The following FERMT2 variants were observed in gnomAD, a reference collection of about 807,000 sequenced individuals.
FERMT2 encodes fermitin family homolog 2.
A neutral mutation model predicts 82.7 loss-of-function variants in FERMT2; 15 were observed. The observed-to-expected ratio is 0.18, with a 90% CI of 0.12 to 0.28. FERMT2 has a LOEUF of 0.28. Ranked by LOEUF, FERMT2 falls within the 10% of genes least tolerant of loss-of-function variation. The pLI is 1.00. For missense variants in FERMT2, 645 were observed against 809.4 expected (o/e 0.80, Z 2.46); for synonymous variants, 274 against 271.5 (o/e 1.01, Z -0.09).
At chr14:52,870,782 A>G (rs1388860658) in intron 10 of FERMT2, among the ~76,000 whole-genome samples, 2 of 152,184 alleles carry the variant, frequency 1.3e-5, no homozygotes, top group African/African-American at 4.8e-5. Context: ...CATTTCTCAT[A>G]ATGTATCCCT....
At chr14:52,926,708 G>A (rs1889295380) in intron 2 of FERMT2, among the ~76,000 whole-genome samples, 1 of 151,912 alleles carries the variant, frequency 6.6e-6, no homozygotes, top group South Asian at 2.1e-4. Flanking sequence ...AAGGCTCGGG[G>A]GTGGGGCGTG....
intron 3 of FERMT2, among the ~76,000 whole-genome samples, chr14:52,910,259 ATTC>A (rs1888242455): frequency 6.6e-6 from 1 of 152,198 alleles, no homozygotes; most frequent in Non-Finnish European, 1.5e-5. Context: ...TATCAAATAG[ATTC>A]TTCTTCATAA....
Position 52,857,477 on chromosome 14 carries a change from A to G in FERMT2, c.*900T>C, listed in dbSNP as rs1025130550. On this transcript the variant is annotated 3_prime_UTR_variant, in exon 15 of 15. Transcript: ENST00000341590. ...CAGTCCAGGCATTAGAGTTAAGGAC[A>G]TTGTGGCAAATCATGATCATAATGA... 2 of 152,750 alleles carry G rather than the reference A, an allele frequency of 1.3e-5. No individual in the cohort carries two copies. Among genetic ancestry groups the G allele is most frequent in the East Asian group, 3.9e-4 (2 of 5,188 alleles). 9.5% of individuals were successfully genotyped at this position (152,750 alleles called of 1,614,324 possible). A position where few individuals can be genotyped will look rare whatever the true frequency, so the allele number is the denominator to read the frequency against.
Position 52,924,777 on chromosome 14 carries a change from C to T in FERMT2, c.158-5421G>A, listed in dbSNP as rs1595001829. On this transcript the variant is annotated intron_variant, in intron 2 of 14. Coordinates refer to ENST00000341590, the MANE Select transcript of FERMT2 (RefSeq NM_006832.3). ...AGCTGGTAAATACACAGAATAATAG[C>T]TGGTAGATAGAAAGGAAATGGCAGA... is the stretch of plus-strand genomic sequence containing the variant. Among the ~76,000 whole-genome samples, 6 of 152,084 alleles carry T rather than the reference C, an allele frequency of 3.9e-5. No homozygotes were observed. In the East Asian group the frequency reaches 1.2e-3, roughly 29 times the overall value.
At chr14:52,897,876 T>C (rs1375409191) in intron 3 of FERMT2, among the ~76,000 whole-genome samples, 2 of 148,120 alleles carry the variant, frequency 1.4e-5, no homozygotes, top group African/African-American at 5.0e-5. Context: ...CTCGGGAGGC[T>C]GAGGCAGGGG....
chr14:52,943,320 G>A (rs1890182369), intron 2 of FERMT2, among the ~76,000 whole-genome samples: 1 of 152,154 alleles, frequency 6.6e-6, no homozygotes, highest in Non-Finnish European at 1.5e-5. Context: ...GTTCTACAGG[G>A]TGGCCATAAA....
intron 12 of FERMT2, among the ~76,000 whole-genome samples, 189 bp downstream of exon 12, chr14:52,864,212 C>T (rs765857313): frequency 1.3e-5 from 2 of 152,002 alleles, no homozygotes; most frequent in Non-Finnish European, 2.9e-5. Context: ...CATGTTGGCA[C>T]TCAAAAAGTT....
chr14:52,877,574 C>CCTT (rs1555367425), intron 7 of FERMT2, among the ~76,000 whole-genome samples: 2 of 67,062 alleles, frequency 3.0e-5, no homozygotes, highest in East Asian at 6.1e-4. Flanking sequence ...GCTGTTCTTG[C>CCTT]TTTTTTTTTT....
At chr14:52,942,200 C>A (rs1285094240) in intron 2 of FERMT2, among the ~76,000 whole-genome samples, 2 of 138,504 alleles carry the variant, frequency 1.4e-5, no homozygotes, top group Admixed American at 1.5e-4. Context: ...CTCTCATTTG[C>A]ATAACACAAA....
chr14:52,902,402 AAC>A (rs1887705859), intron 3 of FERMT2, among the ~76,000 whole-genome samples: 1 of 88,736 alleles, frequency 1.1e-5, no homozygotes, highest in African/African-American at 3.0e-5. Context: ...TCAAAACAAA[AAC>A]AAAAAAAAAA....
intron 2 of FERMT2, among the ~76,000 whole-genome samples, chr14:52,945,586 G>T (rs1254966548): frequency 6.6e-6 from 1 of 152,022 alleles, no homozygotes. Context: ...AACTTCATAT[G>T]TTTCTTTTTA....
At chr14:52,914,935 C>CA (rs1473686912) in intron 3 of FERMT2, among the ~76,000 whole-genome samples, 2 of 148,910 alleles carry the variant, frequency 1.3e-5, no homozygotes, top group Non-Finnish European at 3.0e-5. Flanking sequence ...AAATACATAA[C>CA]AAAAAATAAA....
chr14:52,878,788 T>C (rs1886122490), intron 6 of FERMT2, 99 bp from the exon 7 acceptor site: 3 of 572,102 alleles, frequency 5.2e-6, no homozygotes, highest in Non-Finnish European at 8.8e-6. Context: ...TTAATGCTTT[T>C]TTTCCTGGGA....
intron 3 of FERMT2, among the ~76,000 whole-genome samples, chr14:52,913,256 A>G (rs1888425905): frequency 6.6e-6 from 1 of 152,216 alleles, no homozygotes; most frequent in African/African-American, 2.4e-5. Context: ...TGCTTACTAC[A>G]TAGTATCTTT....
intron 3 of FERMT2, among the ~76,000 whole-genome samples, chr14:52,894,534 C>G (rs888838004): frequency 1.3e-5 from 2 of 152,088 alleles, no homozygotes; most frequent in Non-Finnish European, 2.9e-5. Context: ...AAAGCTGTAT[C>G]AATCAAGACA....
intron 2 of FERMT2, among the ~76,000 whole-genome samples, chr14:52,925,934 G>A (rs182493846): frequency 6.6e-5 from 10 of 152,214 alleles, no homozygotes; most frequent in East Asian, 5.8e-4. Flanking sequence ...ATGAGCCACC[G>A]CGCCCGGCAC....
chr14:52,862,996 T>C (rs932346329), intron 12 of FERMT2: 16 of 152,266 alleles, frequency 1.1e-4, no homozygotes, highest in African/African-American at 3.9e-4. Flanking sequence ...TGAAATTACT[T>C]ATTGCCTTTG....
chr14:52,908,914 A>T (rs1888160743), intron 3 of FERMT2, among the ~76,000 whole-genome samples: 1 of 152,194 alleles, frequency 6.6e-6, no homozygotes, highest in Non-Finnish European at 1.5e-5. Flanking sequence ...TTAAAAAGGC[A>T]TGTGGCATGT....
intron 10 of FERMT2, among the ~76,000 whole-genome samples, chr14:52,869,669 C>G (rs2140081814): frequency 6.6e-6 from 1 of 152,258 alleles, no homozygotes; most frequent in Middle Eastern, 3.4e-3. Context: ...GACTATGTTA[C>G]TGGTTTATGT....
Sources: gnomAD v4.1 joint callset for allele counts (sites outside exome capture counted in the v4.1 genomes callset) on GRCh38, gnomAD v4.1.1 for gene constraint, MANE v1.5 for transcripts, NCBI Gene and HGNC (gene_info 2026-07-23, HGNC 2026-07-21) for gene names.